Variants in FGFRL1 observed in about 807,000 individuals in gnomAD.
FGFRL1 encodes the protein fibroblast growth factor receptor-like 1.
FGFRL1 carries 24 observed loss-of-function variants against 36.8 expected under a neutral mutation model. The ratio of observed to expected loss-of-function variants is 0.65; its 90% CI spans 0.47 to 0.92. The LOEUF (loss-of-function observed/expected upper bound fraction) is 0.92, where lower values mean the gene tolerates loss of function less well. Ranked by LOEUF, FGFRL1 falls within the 40% of genes least tolerant of loss-of-function variation. The pLI, the probability that FGFRL1 is intolerant of heterozygous loss-of-function variation, is 0.00. For synonymous variants in FGFRL1, 422 were observed against 344.1 expected (o/e 1.23, Z -2.50); for missense variants, 785 against 753.4 (o/e 1.04, Z -0.49).
Position 1,023,740 on chromosome 4 carries a change from G to T in FGFRL1, c.433+19G>T, listed in dbSNP as rs1216184883. The T allele has an allele frequency of 6.4e-7, 1 of 1,553,888 alleles. No individual in the cohort carries two copies. Among genetic ancestry groups the T allele is most frequent in the Admixed American group, 1.9e-5 (1 of 52,056 alleles). On this transcript the variant is annotated intron_variant, in intron 4 of 6. Transcript: ENST00000510644. The surrounding 1 kb of genome is among the most constrained non-coding windows in gnomAD (Gnocchi z 6.0). ...CAGTGGGGTGAGCAGGGGGTGACGG[G>T]GGTGGGGGGCGTCCGTCTGTCCCGG...
At position 1,026,276 on chromosome 4, in the gene FGFRL1, GCA is replaced by G. The variant is rs748899241; in HGVS notation, c.*936_*937del. ...TGGGCACACACTTCCGGACACACATGCACACACAGGTGCAGATATGCTGCCTG... is the reference window on the plus strand; with the variant it reads ...TGGGCACACACTTCCGGACACACATGCACACAGGTGCAGATATGCTGCCTG... On this transcript the variant is annotated 3_prime_UTR_variant, in exon 7 of 7. Transcript: ENST00000510644. 6.3e-6 allele frequency: 1 copy of G among 157,604 alleles called. No homozygotes were observed. The highest frequency in any genetic ancestry group is 2.4e-5 in the African/African-American group (1 of 41,278). The allele number at this position is 157,604 out of a possible 1,614,324, so 9.8% of individuals were successfully genotyped here.
chr4:1,018,230 G>T (rs1023292642), intron 2 of FGFRL1, among the ~76,000 whole-genome samples: 4 of 152,190 alleles, frequency 2.6e-5, no homozygotes, highest in Non-Finnish European at 5.9e-5. Flanking sequence ...TGGGAAAGAG[G>T]AGCCTCTGTC....
At chr4:1,021,338 G>A (rs1490126833) in intron 2 of FGFRL1, among the ~76,000 whole-genome samples, 1 of 152,050 alleles carries the variant, frequency 6.6e-6, no homozygotes, top group Non-Finnish European at 1.5e-5. Context: ...CAGCCTTTCT[G>A]CTCCTGTGGG....
In FGFRL1 at chr4:1,025,126, C is replaced by T. The variant is rs1274129193; in HGVS notation, c.1294C>T (p.Leu432Phe). 6.2e-7 allele frequency: 1 copy of T among 1,611,420 alleles called. No homozygotes were observed. The highest frequency in any genetic ancestry group is 2.2e-5 in the East Asian group (1 of 44,830). The change falls in exon 7 of 7, where the codon CTT becomes TTT. Residue 432 changes from leucine (L) to phenylalanine (F), a missense_variant. Coordinates refer to ENST00000510644, the MANE Select transcript of FGFRL1 (RefSeq NM_001004356.3). The part of the protein sequence containing the change: ...TARDRSGDKD[L>F]PSLAALSAGP... Reference sequence around the variant, plus strand: ...CCGCGACCGCAGCGGAGACAAGGACCTTCCCTCGTTGGCCGCCCTCAGCGC... The same window carrying T: ...CCGCGACCGCAGCGGAGACAAGGACTTTCCCTCGTTGGCCGCCCTCAGCGC...
At chr4:1,013,054 G>A (rs1715689774) in intron 2 of FGFRL1, among the ~76,000 whole-genome samples, 1 of 152,192 alleles carries the variant, frequency 6.6e-6, no homozygotes, top group Non-Finnish European at 1.5e-5. Context: ...TCCCCCAGCC[G>A]ACCTAGCCGT....
Position 1,023,581 on chromosome 4 carries a change from G to C in FGFRL1, c.353-60G>C. 1 of 1,475,192 alleles carries C rather than the reference G, an allele frequency of 6.8e-7. No individual in the cohort carries two copies. The highest frequency in any genetic ancestry group is 9.3e-7 in the Non-Finnish European group (1 of 1,079,648). The allele number at this position is 1,475,192 out of a possible 1,614,324, so 91.4% of individuals were successfully genotyped here. ...GGGAGCTAGAGGCCACGGGGGAGTT[G>C]GGGGAGCTCCTCAGGGCCCCCCTCA... On this transcript the variant is annotated intron_variant, in intron 3 of 6. Transcript: ENST00000510644. This position sits in a 1 kb window ranked among gnomAD's most constrained non-coding sequence, Gnocchi z 6.0.
At position 1,025,199 on chromosome 4, in the gene FGFRL1, C is replaced by T. The variant is rs773448649; in HGVS notation, c.1367C>T (p.Pro456Leu). The T allele has an allele frequency of 1.2e-6, 2 of 1,610,694 alleles. No individual in the cohort carries two copies. Among genetic ancestry groups the T allele is most frequent in the South Asian group, 2.2e-5 (2 of 90,702 alleles). ...GAGGAGCATGGGTCTCCGGCAGCCC[C>T]CCAGCACTTACTGGGCCCAGGCCCA... is the stretch of plus-strand genomic sequence containing the variant. ...LCEEHGSPAA[P>L]QHLLGPGPVA... Residue 456 changes from proline (P) to leucine (L), a missense_variant, in exon 7 of 7, where the codon CCC becomes CTC. Coordinates refer to ENST00000510644, the MANE Select transcript of FGFRL1 (RefSeq NM_001004356.3).
chr4:1,026,128 ACT>A lies in FGFRL1; in HGVS notation c.*783_*784del, dbSNP rs1282016562. The A allele has an allele frequency of 1.9e-5, 3 of 154,654 alleles. No homozygotes were observed. Among genetic ancestry groups the A allele is most frequent in the South Asian group, 1.9e-4 (1 of 5,228 alleles). 9.6% of individuals were successfully genotyped at this position (154,654 alleles called of 1,614,324 possible). ...CACACACAGATAATGCTGCCTCAAC[ACT>A]CACACACGTGCAGATATTGCCTGGA... On this transcript the variant is annotated 3_prime_UTR_variant, in exon 7 of 7. Transcript: ENST00000510644.
chr4:1,021,951 G>T (rs538971119), intron 2 of FGFRL1, among the ~76,000 whole-genome samples: 1 of 152,328 alleles, frequency 6.6e-6, no homozygotes, highest in South Asian at 2.1e-4. Context: ...CTGGGGCCAC[G>T]GGGCTGCCCC....
intron 2 of FGFRL1, among the ~76,000 whole-genome samples, chr4:1,017,120 C>T (rs1386640480): frequency 6.6e-6 from 1 of 152,160 alleles, no homozygotes; most frequent in Non-Finnish European, 1.5e-5. Flanking sequence ...AGGTGAGCCC[C>T]CTTCCCCCAG....
intron 2 of FGFRL1, among the ~76,000 whole-genome samples, chr4:1,017,270 C>T (rs1343333119): frequency 2.0e-5 from 3 of 147,610 alleles, no homozygotes; most frequent in Non-Finnish European, 3.1e-5. Flanking sequence ...CCTCACTCCA[C>T]TCTGGCCTCG....
intron 3 of FGFRL1, among the ~76,000 whole-genome samples, chr4:1,022,767 C>G (rs985674440): frequency 4.6e-5 from 7 of 152,206 alleles, no homozygotes; most frequent in South Asian, 4.1e-4. Context: ...GGCTGGGGCC[C>G]GAGGCCTTGG....
chr4:1,021,326 C>A (rs986319559), intron 2 of FGFRL1, among the ~76,000 whole-genome samples: 2 of 152,044 alleles, frequency 1.3e-5, no homozygotes, highest in African/African-American at 4.8e-5. Flanking sequence ...CATGTGGAGC[C>A]GCAGCCTTTC....
rs866144496 is a variant in FGFRL1 at position 1,026,541 on chromosome 4, G to C, written c.*1194G>C. ...GAGTCCCCTACTGCTGTGGGCTGGG[G>C]TTGGGGGCACAGCAGCCCCAAGCCT... On this transcript the variant is annotated 3_prime_UTR_variant, in exon 7 of 7. Coordinates refer to ENST00000510644, the MANE Select transcript of FGFRL1 (RefSeq NM_001004356.3). The C allele has an allele frequency of 4.9e-6, 1 of 202,964 alleles. No homozygotes were observed. Among genetic ancestry groups the C allele is most frequent in the Non-Finnish European group, 1.0e-5 (1 of 99,824 alleles). The allele number at this position is 202,964 out of a possible 1,614,324, so 12.6% of individuals were successfully genotyped here.
chr4:1,019,182 CT>C (rs1471670759), intron 2 of FGFRL1, among the ~76,000 whole-genome samples: 1 of 152,232 alleles, frequency 6.6e-6, no homozygotes, highest in African/African-American at 2.4e-5. Flanking sequence ...AGGGTGGGGG[CT>C]GGGAAACCTT....
intron 2 of FGFRL1, among the ~76,000 whole-genome samples, chr4:1,015,115 G>A (rs547108555): frequency 2.0e-5 from 3 of 152,290 alleles, no homozygotes; most frequent in East Asian, 3.9e-4. Flanking sequence ...TGGGAGAGGC[G>A]GGCTGTGCCC....
In FGFRL1 at chr4:1,026,730, G is replaced by A. The variant is rs758652958; in HGVS notation, c.*1383G>A. On this transcript the variant is annotated 3_prime_UTR_variant, in exon 7 of 7. Transcript: ENST00000510644. The stretch of plus-strand genomic sequence containing the variant: ...TGGTCTCTCCTGGGGCCCGGGACCC[G>A]CCTGGTCTTTCAGCCATGCTGATGA... 40 of 407,950 alleles carry A rather than the reference G, an allele frequency of 9.8e-5. No individual in the cohort carries two copies. In the Admixed American group the frequency reaches 1.0e-3, roughly 11 times the overall value. The allele number at this position is 407,950 out of a possible 1,614,324, so 25.3% of individuals were successfully genotyped here. A position where few individuals can be genotyped will look rare whatever the true frequency, so the allele number is the denominator to read the frequency against.
upstream of FGFRL1, chr4:1,010,309 T>C (rs1715522621): frequency 6.6e-6 from 1 of 152,280 alleles, no homozygotes; most frequent in South Asian, 2.1e-4. Flanking sequence ...GGGGGCAGGA[T>C]GGGCCGTCCG....
Position 1,022,157 on chromosome 4 carries a change from G to T in FGFRL1, c.80-46G>T, listed in dbSNP as rs1431237735. 2.8e-6 allele frequency: 4 copies of T among 1,450,008 alleles called. No individual in the cohort carries two copies. The Admixed American group carries it at 7.7e-5, about 28-fold the overall frequency. The allele number at this position is 1,450,008 out of a possible 1,614,324, so 89.8% of individuals were successfully genotyped here. On this transcript the variant is annotated intron_variant, in intron 2 of 6. Coordinates refer to ENST00000510644, the MANE Select transcript of FGFRL1 (RefSeq NM_001004356.3). The stretch of plus-strand genomic sequence containing the variant: ...CCTTTTGACCGCCCCCCCGGCTCCG[G>T]ACCCCAAGCCCCTCCTCGCTGACTG...
Sources: gnomAD v4.1 joint callset for allele counts (sites outside exome capture counted in the v4.1 genomes callset) on GRCh38, gnomAD v4.1.1 for gene constraint, Gnocchi (gnomAD v3.1) non-coding constraint, MANE v1.5 for transcripts, NCBI Gene and HGNC (gene_info 2026-07-23, HGNC 2026-07-21) for gene names.